The following DHODH variants were observed in gnomAD, a reference collection of about 807,000 sequenced individuals.
The protein encoded by DHODH is dihydroorotate dehydrogenase (quinone), mitochondrial.
DHODH carries 30 observed loss-of-function variants against 39.7 expected under a neutral mutation model. That is an observed-to-expected ratio of 0.76 (90% CI 0.57 to 1.02). The LOEUF (loss-of-function observed/expected upper bound fraction) is 1.02. Among genes scored for constraint, DHODH ranks in the 50% least tolerant of loss-of-function variants. DHODH has a pLI of 0.00. For synonymous variants in DHODH, 222 were observed against 213.8 expected (o/e 1.04, Z -0.34); for missense variants, 531 against 520.8 (o/e 1.02, Z -0.19).
intron 8 of DHODH, 60 bp downstream of exon 8, chr16:72,023,693 C>A: frequency 6.2e-7 from 1 of 1,601,338 alleles, no homozygotes. Flanking sequence ...TTAGATCACT[C>A]AAGTCAACGA....
At position 72,014,477 on chromosome 16, in the gene DHODH, T is replaced by C; in HGVS notation, c.239T>C (p.Val80Ala). ...ARFQDSDMLE[V>A]RVLGHKFRNP... Reference sequence around the variant, plus strand: ...ACTTTGTCTTCCTCTTCCCAGGAAGTGAGAGTTCTGGGCCATAAATTCCGA... The same window carrying C: ...ACTTTGTCTTCCTCTTCCCAGGAAGCGAGAGTTCTGGGCCATAAATTCCGA... The change falls in exon 3 of 9, where the codon GTG becomes GCG. Residue 80 changes from valine to alanine, a missense_variant. Coordinates refer to ENST00000219240, the MANE Select transcript of DHODH (RefSeq NM_001361.5). The C allele has an allele frequency of 6.2e-7, 1 of 1,614,014 alleles. No individual in the cohort carries two copies. The highest frequency in any genetic ancestry group is 8.5e-7 in the Non-Finnish European group (1 of 1,179,960).
At chr16:72,020,466 C>G (rs992554290) in intron 4 of DHODH, 1 of 150,294 alleles carries the variant, frequency 6.7e-6, no homozygotes, top group African/African-American at 2.5e-5. Flanking sequence ...AGCCTCAATC[C>G]TACTTCAGCC....
At chr16:72,020,335 A>ATATATATATGTGTATATGTATATGTG (rs1555530880) in intron 4 of DHODH, 8 of 117,380 alleles carry the variant, frequency 6.8e-5, no homozygotes, top group Non-Finnish European at 1.4e-4. Context: ...ATGTGTATAT[A>ATATATATATGTGTATATGTATATGTG]TATATATATA....
At position 72,023,651 on chromosome 16, in the gene DHODH, T is replaced by C. The variant is rs770856532; in HGVS notation, c.1133+18T>C. ...CTTCTGAAGTGAGTGAGGTCATGTG[T>C]GGCTTGAAACAGAAGTTAGGCAGAG... On this transcript the variant is annotated intron_variant, in intron 8 of 8. Transcript: ENST00000219240. The C allele has an allele frequency of 6.2e-7, 1 of 1,612,996 alleles. No homozygotes were observed. The highest frequency in any genetic ancestry group is 2.2e-5 in the East Asian group (1 of 44,868).
At chr16:72,008,822 A>T (rs760776971) in intron 1 of DHODH, 37 bp downstream of exon 1, 44 of 1,552,322 alleles carry the variant, frequency 2.8e-5, no homozygotes, top group East Asian at 2.2e-4. Context: ...ATGGGGGACC[A>T]GGGACCGGGG....
chr16:72,023,888 G>T (rs987498683), intron 8 of DHODH, among the ~76,000 whole-genome samples: 1 of 152,196 alleles, frequency 6.6e-6, no homozygotes, highest in Non-Finnish European at 1.5e-5. Context: ...AGGGGAGCCT[G>T]AGGAATCCCA....
chr16:72,009,509 CAAAAAA>C (rs56347696), intron 1 of DHODH, among the ~76,000 whole-genome samples: 832 of 48,168 alleles, frequency 0.017, 13 homozygotes, highest in African/African-American at 0.067. Flanking sequence ...GACTCCGTCT[CAAAAAA>C]AAAAAAAAAA....
intron 2 of DHODH, among the ~76,000 whole-genome samples, chr16:72,013,184 G>T (rs1191724776): frequency 6.6e-6 from 1 of 151,616 alleles, no homozygotes; most frequent in African/African-American, 2.4e-5. Flanking sequence ...TGATTATATG[G>T]TGTTGAGCAG....
intron 5 of DHODH, 27 bp from the exon 6 acceptor site, chr16:72,022,335 C>T: frequency 6.5e-7 from 1 of 1,538,024 alleles, no homozygotes. Flanking sequence ...CTGCGGGGTC[C>T]CCAGCTCTGG....
At chr16:72,017,583 T>C (rs1316737257) in intron 4 of DHODH, among the ~76,000 whole-genome samples, 7 of 152,188 alleles carry the variant, frequency 4.6e-5, no homozygotes, top group African/African-American at 7.2e-5. Flanking sequence ...CTAACTAATA[T>C]TAGCATTTGG....
Position 72,021,234 on chromosome 16 carries a change from GT to G in DHODH, c.629del (p.Val210GlyfsTer24), listed in dbSNP as rs1378899107. 3 of 1,612,862 alleles carry G rather than the reference GT, an allele frequency of 1.9e-6. No individual in the cohort carries two copies. Among genetic ancestry groups the G allele is most frequent in the Non-Finnish European group, 2.5e-6 (3 of 1,179,694 alleles). ...VLGPLADYLVVNVSSPNTAGL... is the reference protein window; with the variant it reads ...VLGPLADYLVXNVSSPNTAGL... ...GGGCCCCCTGGCCGACTACCTGGTG[GT>G]GAATGTGTCCAGCCCCAACACTGCC... On this transcript the variant is annotated frameshift_variant, in exon 5 of 9. Coordinates refer to ENST00000219240, the MANE Select transcript of DHODH (RefSeq NM_001361.5). LOFTEE classifies it high-confidence loss of function.
At chr16:72,018,688 A>G (rs986709790) in intron 4 of DHODH, among the ~76,000 whole-genome samples, 4 of 152,120 alleles carry the variant, frequency 2.6e-5, no homozygotes, top group Admixed American at 6.5e-5. Flanking sequence ...AGGGGCCTTC[A>G]TGGCAGCTTG....
intron 3 of DHODH, chr16:72,016,721 A>T (rs1271086884): frequency 1.3e-5 from 5 of 394,136 alleles, no homozygotes; most frequent in Admixed American, 7.2e-5. Context: ...GTGGCAAGTG[A>T]GTGTGCAATT....
intron 4 of DHODH, 74 bp downstream of exon 4, chr16:72,017,180 C>T (rs2143983101): frequency 6.8e-7 from 1 of 1,481,342 alleles, no homozygotes; most frequent in East Asian, 2.3e-5. Context: ...GGGAACATTT[C>T]TAGTGAAATA....
At chr16:72,022,619 T>A in intron 6 of DHODH, 144 bp downstream of exon 6, 1 of 727,420 alleles carries the variant, frequency 1.4e-6, no homozygotes, top group Non-Finnish European at 2.4e-6. Flanking sequence ...ATGGTGTAAC[T>A]CACCCTGTGG....
intron 3 of DHODH, among the ~76,000 whole-genome samples, chr16:72,015,166 CGT>C (rs969784207): frequency 5.9e-5 from 9 of 152,102 alleles, no homozygotes; most frequent in African/African-American, 2.2e-4. Flanking sequence ...TTTAAAAAAA[CGT>C]ATATTTAAAA....
At chr16:72,023,128 C>T (rs763702778) in intron 6 of DHODH, 37 bp from the exon 7 acceptor site, 46 of 1,613,042 alleles carry the variant, frequency 2.9e-5, no homozygotes, top group Non-Finnish European at 3.8e-5. Flanking sequence ...TCCTTCGGTG[C>T]TATGACTCAT....
In DHODH at chr16:72,022,412, G is replaced by A. The variant is rs756968439; in HGVS notation, c.756G>A (p.Leu252=). The part of the protein sequence containing the change: ...GLRRVHRPAV[L]VKIAPDLTSQ... The stretch of plus-strand genomic sequence containing the variant: ...GGAGAGTGCACAGGCCGGCAGTCCT[G>A]GTGAAGATCGCTCCTGACCTCACCA... The change falls in exon 6 of 9, where the codon CTG becomes CTA. Residue 252 remains leucine (L), a synonymous_variant. Transcript: ENST00000219240. The A allele has an allele frequency of 2.1e-5, 33 of 1,557,872 alleles. No homozygotes were observed. Among genetic ancestry groups the A allele is most frequent in the Non-Finnish European group, 2.7e-5 (31 of 1,150,630 alleles).
intron 2 of DHODH, among the ~76,000 whole-genome samples, chr16:72,012,632 C>T (rs1597393564): frequency 6.6e-6 from 1 of 152,212 alleles, no homozygotes; most frequent in African/African-American, 2.4e-5. Context: ...ACGCTGGCTT[C>T]CCGCCCCTTG....
Sources: allele counts gnomAD v4.1 joint callset (sites outside exome capture counted in the v4.1 genomes callset), GRCh38; gene constraint gnomAD v4.1.1; transcripts MANE v1.5; gene names NCBI Gene and HGNC (gene_info 2026-07-23, HGNC 2026-07-21).